The following GPC6 variants were observed in gnomAD, a reference collection of about 807,000 sequenced individuals.
The protein encoded by GPC6 is glypican-6.
A neutral mutation model predicts 55.2 loss-of-function variants in GPC6; 14 were observed. That is an observed-to-expected ratio of 0.25 (90% CI 0.17 to 0.40). The LOEUF is 0.40. GPC6 is among the 10% of genes least tolerant of loss of function. The probability of loss-of-function intolerance (pLI) is 1.00; values close to 1 mark genes in which losing one functional copy is unlikely to be tolerated. For synonymous variants in GPC6, 278 were observed against 259.6 expected (o/e 1.07, Z -0.68); for missense variants, 641 against 708.5 (o/e 0.90, Z 1.08).
At chr13:93,575,021 C>T (rs988321453) in intron 2 of GPC6, among the ~76,000 whole-genome samples, 3 of 152,106 alleles carry the variant, frequency 2.0e-5, no homozygotes, top group African/African-American at 4.8e-5. Flanking sequence ...TGGCCAGGCA[C>T]GGTGGCTCAT....
At chr13:94,001,203 G>A (rs1881784579) in intron 3 of GPC6, among the ~76,000 whole-genome samples, 3 of 152,032 alleles carry the variant, frequency 2.0e-5, no homozygotes, top group South Asian at 2.1e-4. Flanking sequence ...ACTTGTAAAG[G>A]TCTTTTCTCA....
chr13:93,596,615 AT>A (rs1359393758), intron 2 of GPC6, among the ~76,000 whole-genome samples: 13,603 of 134,842 alleles, frequency 0.1, 1,625 homozygotes, highest in African/African-American at 0.33. Flanking sequence ...AAATAAATAT[AT>A]ATATATATAT....
chr13:93,580,441 T>TCACC (rs1876882866), intron 2 of GPC6, among the ~76,000 whole-genome samples: 1 of 152,226 alleles, frequency 6.6e-6, no homozygotes, highest in Non-Finnish European at 1.5e-5. Context: ...GCACATGCAG[T>TCACC]CACCCCGAAG....
chr13:93,480,490 T>TTTATCATG (rs1421993480), intron 1 of GPC6, among the ~76,000 whole-genome samples: 5 of 152,162 alleles, frequency 3.3e-5, no homozygotes, highest in African/African-American at 1.2e-4. Context: ...AAATAACAGC[T>TTTATCATG]TTATCATGTT....
At chr13:93,426,733 A>G (rs1390563596) in intron 1 of GPC6, among the ~76,000 whole-genome samples, 18 of 151,706 alleles carry the variant, frequency 1.2e-4, no homozygotes, top group African/African-American at 4.1e-4. Context: ...CATGATTTAT[A>G]GTCCTTTGGG....
intron 4 of GPC6, among the ~76,000 whole-genome samples, chr13:94,035,007 A>G (rs1384862316): frequency 1.3e-5 from 2 of 151,710 alleles, no homozygotes; most frequent in African/African-American, 4.8e-5. Context: ...AGAAACAACA[A>G]CAGAAGAATT....
chr13:93,912,672 G>T (rs953207880), intron 3 of GPC6, among the ~76,000 whole-genome samples: 1 of 152,162 alleles, frequency 6.6e-6, no homozygotes, highest in African/African-American at 2.4e-5. Flanking sequence ...GAACCCAGGA[G>T]GCAGAGCTTG....
chr13:93,328,865 A>G (rs1473251082), intron 1 of GPC6, among the ~76,000 whole-genome samples: 1 of 152,094 alleles, frequency 6.6e-6, no homozygotes, highest in Non-Finnish European at 1.5e-5. Context: ...CTTCCCTCAA[A>G]AGTTGACCAA....
intron 3 of GPC6, among the ~76,000 whole-genome samples, chr13:93,896,325 G>A (rs975765263): frequency 8.6e-5 from 13 of 151,926 alleles, no homozygotes; most frequent in Non-Finnish European, 1.5e-4. Flanking sequence ...CCGTACAGAC[G>A]TTTTTTCACC....
intron 2 of GPC6, among the ~76,000 whole-genome samples, chr13:93,572,227 G>T (rs990571216): frequency 6.6e-6 from 1 of 152,168 alleles, no homozygotes; most frequent in African/African-American, 2.4e-5. Flanking sequence ...AAAGGATATA[G>T]GTTGGGAGTT....
chr13:93,870,516 C>T (rs1415047421), intron 3 of GPC6, among the ~76,000 whole-genome samples: 1 of 151,742 alleles, frequency 6.6e-6, no homozygotes, highest in Non-Finnish European at 1.5e-5. Flanking sequence ...TAACCAGGTA[C>T]CCCAAAAACT....
intron 2 of GPC6, among the ~76,000 whole-genome samples, chr13:93,572,738 C>A (rs893334016): frequency 6.6e-6 from 1 of 152,096 alleles, no homozygotes; most frequent in East Asian, 1.9e-4. Flanking sequence ...ACAGAACGAA[C>A]CTTTAGATCT....
chr13:94,301,122 A>T (rs1330141196), intron 5 of GPC6, among the ~76,000 whole-genome samples: 2 of 152,224 alleles, frequency 1.3e-5, no homozygotes, highest in African/African-American at 2.4e-5. Context: ...GTCTGACCAC[A>T]TGTTATCATG....
At position 93,506,043 on chromosome 13, in the gene GPC6, C is replaced by G. The variant is rs115231033; in HGVS notation, c.161-39220C>G. ...TGTCATTGGATACAGTTATTGCTGC[C>G]GAGGTTATGTCCTGTGACCACTAGG... On this transcript the variant is annotated intron_variant, in intron 1 of 8. Transcript: ENST00000377047. Among the ~76,000 whole-genome samples the G allele has an allele frequency of 5.5e-3, 830 of 152,220 alleles. 5 individuals carry two copies. Among genetic ancestry groups the G allele is most frequent in the African/African-American group, 0.018 (736 of 41,528 alleles).
chr13:93,942,332 G>A (rs996774495), intron 3 of GPC6, among the ~76,000 whole-genome samples: 1 of 152,078 alleles, frequency 6.6e-6, no homozygotes, highest in African/African-American at 2.4e-5. Flanking sequence ...GCAGTCAAGC[G>A]TCATCTAGCC....
At chr13:93,523,001 AAG>A (rs765848654) in intron 1 of GPC6, among the ~76,000 whole-genome samples, 7 of 109,390 alleles carry the variant, frequency 6.4e-5, no homozygotes, top group Non-Finnish European at 1.5e-4. Flanking sequence ...ATCAAAAAGA[AAG>A]AGGGAAAAAA....
At chr13:93,260,697 T>C (rs1489145020) in intron 1 of GPC6, among the ~76,000 whole-genome samples, 4 of 152,112 alleles carry the variant, frequency 2.6e-5, no homozygotes, top group Admixed American at 2.6e-4. Context: ...TATTATAGAC[T>C]TGGCCAAACT....
intron 4 of GPC6, among the ~76,000 whole-genome samples, chr13:94,075,720 T>C (rs998455254): frequency 6.6e-6 from 1 of 152,176 alleles, no homozygotes; most frequent in Non-Finnish European, 1.5e-5. Flanking sequence ...TCAGTATTTG[T>C]CCTTCTATGC....
intron 1 of GPC6, among the ~76,000 whole-genome samples, chr13:93,434,238 C>T (rs1191953808): frequency 6.6e-6 from 1 of 152,140 alleles, no homozygotes. Context: ...ATAGAAATGC[C>T]ACAGTCTTAT....
Sources: gnomAD v4.1 joint callset for allele counts (sites outside exome capture counted in the v4.1 genomes callset) on GRCh38, gnomAD v4.1.1 for gene constraint, MANE v1.5 for transcripts, NCBI Gene and HGNC (gene_info 2026-07-23, HGNC 2026-07-21) for gene names.